Variants in RBFOX1 observed in about 807,000 individuals in gnomAD.
RBFOX1 encodes RNA binding protein fox-1 homolog 1.
Under a neutral mutation model 57.7 loss-of-function variants are expected in RBFOX1, and 8 were observed. The observed-to-expected ratio is 0.14, with a 90% confidence interval of 0.08 to 0.25. The LOEUF is 0.25. Among genes scored for constraint, RBFOX1 ranks in the 10% least tolerant of loss-of-function variants. The probability of loss-of-function intolerance (pLI) is 1.00; values close to 1 mark genes in which losing one functional copy is unlikely to be tolerated. For missense variants in RBFOX1, 611 were observed against 548.5 expected, an observed-to-expected ratio of 1.11 and a Z score of -1.14; for synonymous variants, 326 against 222.4, an observed-to-expected ratio of 1.47 and a Z score of -4.15.
At chr16:7,535,986 A>G (rs2081370172) in intron 5 of RBFOX1, among the ~76,000 whole-genome samples, 1 of 152,202 alleles carries the variant, frequency 6.6e-6, no homozygotes, top group Non-Finnish European at 1.5e-5. Context: ...AGACAGACAT[A>G]GCTTCTCCTT....
chr16:5,988,045 G>A (rs1052008129), intron 4 of RBFOX1, among the ~76,000 whole-genome samples: 2 of 152,168 alleles, frequency 1.3e-5, no homozygotes, highest in Non-Finnish European at 2.9e-5. Context: ...GCTCTAGTTT[G>A]ATTTTTGAGT....
chr16:6,850,513 G>C (rs1397633642), intron 3 of RBFOX1, among the ~76,000 whole-genome samples: 2 of 152,042 alleles, frequency 1.3e-5, no homozygotes, highest in African/African-American at 4.8e-5. Flanking sequence ...AGAGATGGGA[G>C]AGGAAGTTGG....
chr16:7,119,050 G>C (rs557393195), intron 4 of RBFOX1, among the ~76,000 whole-genome samples: 1 of 152,018 alleles, frequency 6.6e-6, no homozygotes, highest in African/African-American at 2.4e-5. Context: ...TTGCAGGTGG[G>C]GCATTTTGTA....
chr16:7,067,723 C>T, intron 4 of RBFOX1, among the ~76,000 whole-genome samples: 1 of 125,046 alleles, frequency 8.0e-6, no homozygotes, highest in African/African-American at 3.0e-5. Flanking sequence ...GTGTGATGTT[C>T]CCCTTCCTGT....
intron 1 of RBFOX1, among the ~76,000 whole-genome samples, chr16:5,357,181 T>C (rs952525774): frequency 6.6e-6 from 1 of 152,180 alleles, no homozygotes; most frequent in African/African-American, 2.4e-5. Context: ...ACTGTACCTC[T>C]CACCCATTGC....
chr16:6,089,770 G>A (rs2096144227), intron 1 of RBFOX1, among the ~76,000 whole-genome samples: 1 of 152,114 alleles, frequency 6.6e-6, no homozygotes, highest in Admixed American at 6.6e-5. Context: ...AGAGGTGGGT[G>A]TTTATAGAAA....
chr16:7,003,683 C>G (rs1160994299), intron 3 of RBFOX1, among the ~76,000 whole-genome samples: 2 of 152,050 alleles, frequency 1.3e-5, no homozygotes, highest in Non-Finnish European at 2.9e-5. Flanking sequence ...CATAGGAAAG[C>G]TTAGTTGATG....
intron 14 of RBFOX1, among the ~76,000 whole-genome samples, chr16:7,683,122 T>C (rs898566190): frequency 1.4e-5 from 2 of 144,468 alleles, no homozygotes; most frequent in Non-Finnish European, 3.0e-5. Context: ...CCTGATCTGC[T>C]CTGTAGACTG....
downstream of RBFOX1, chr16:5,601,514 G>A (rs765758963): frequency 6.6e-6 from 1 of 152,130 alleles, no homozygotes; most frequent in South Asian, 2.1e-4. Context: ...CGGAATCCTC[G>A]GAAGACTGTG....
intron 3 of RBFOX1, among the ~76,000 whole-genome samples, chr16:7,048,311 G>A (rs1287361223): frequency 6.6e-6 from 1 of 152,110 alleles, no homozygotes; most frequent in Non-Finnish European, 1.5e-5. Context: ...CCAGGCTAGA[G>A]TGCAGTGGCA....
intron 3 of RBFOX1, among the ~76,000 whole-genome samples, chr16:6,767,938 T>TAAGAAGAAGAAGAAGAAG (rs1450877589): frequency 6.0e-4 from 51 of 84,776 alleles, no homozygotes; most frequent in East Asian, 3.5e-3. Context: ...ATAATAATAA[T>TAAGAAGAAGAAGAAGAAG]AATAATAATA....
chr16:6,557,048 T>TATATATACATATATACACATATATATAC (rs2097111130), intron 2 of RBFOX1, among the ~76,000 whole-genome samples: 2 of 121,162 alleles, frequency 1.7e-5, no homozygotes, highest in South Asian at 2.2e-4. Flanking sequence ...TATATATACA[T>TATATATACATATATACACATATATATAC]ATATATACAT....
chr16:6,790,497 C>G (rs529614678), intron 3 of RBFOX1, among the ~76,000 whole-genome samples: 117 of 152,124 alleles, frequency 7.7e-4, no homozygotes, highest in African/African-American at 2.7e-3. Flanking sequence ...CTCCATCGTT[C>G]TTTTTGTTTT....
At chr16:5,515,608 T>C (rs2043763140) in intron 2 of RBFOX1, among the ~76,000 whole-genome samples, 1 of 152,238 alleles carries the variant, frequency 6.6e-6, no homozygotes, top group African/African-American at 2.4e-5. Flanking sequence ...AAAATCCTTA[T>C]GCCTGATCAA....
chr16:7,407,977 T>C (rs2098375189), intron 4 of RBFOX1, among the ~76,000 whole-genome samples: 1 of 152,188 alleles, frequency 6.6e-6, no homozygotes, highest in Admixed American at 6.5e-5. Context: ...ACAATGAATG[T>C]ATGGCCCACA....
At chr16:7,251,930 C>T (rs1288318039) in intron 4 of RBFOX1, among the ~76,000 whole-genome samples, 10 of 152,046 alleles carry the variant, frequency 6.6e-5, no homozygotes, top group Non-Finnish European at 1.5e-4. Flanking sequence ...TTCATAATGG[C>T]TGTACTAATT....
intron 3 of RBFOX1, among the ~76,000 whole-genome samples, chr16:6,820,002 G>T (rs372144438): frequency 6.6e-6 from 1 of 152,094 alleles, no homozygotes; most frequent in East Asian, 1.9e-4. Flanking sequence ...TTGAATTGTA[G>T]TTCCCATAAT....
chr16:6,070,725 T>C (rs1265528646), intron 1 of RBFOX1, among the ~76,000 whole-genome samples: 2 of 152,146 alleles, frequency 1.3e-5, no homozygotes, highest in Non-Finnish European at 2.9e-5. Flanking sequence ...TTTGACCCTT[T>C]ATCATTGCAA....
At position 6,021,655 on chromosome 16, in the gene RBFOX1, C is replaced by G. The variant is rs545171795; in HGVS notation, c.-127+1663C>G. Among the ~76,000 whole-genome samples the G allele has an allele frequency of 5.1e-3, 776 of 152,250 alleles. 4 individuals are homozygous for G. The highest frequency in any genetic ancestry group is 8.1e-3 in the Non-Finnish European group (554 of 68,018). ...GGGTTAGGAAGAAAAGTCATCATTC[C>G]TCGCGGTAGTGGAAGTGACACCTTA... On this transcript the variant is annotated intron_variant, in intron 1 of 15. Transcript: ENST00000550418.
Sources: gnomAD v4.1 joint callset for allele counts (sites outside exome capture counted in the v4.1 genomes callset) on GRCh38, gnomAD v4.1.1 for gene constraint, MANE v1.5 for transcripts, NCBI Gene and HGNC (gene_info 2026-07-23, HGNC 2026-07-21) for gene names.